Variants in EVC2 observed in about 807,000 individuals in gnomAD.
The protein encoded by EVC2 is EvC ciliary complex subunit 2.
Under a neutral mutation model 149.3 loss-of-function variants are expected in EVC2, and 148 were observed. That is an observed-to-expected ratio of 0.99 (90% CI 0.87 to 1.14). The LOEUF is 1.14. Among genes scored for constraint, EVC2 ranks in the 50% most tolerant of loss-of-function variants. EVC2 has a pLI of 0.00. For synonymous variants in EVC2, 776 were observed against 649.9 expected, an observed-to-expected ratio of 1.19 and a Z score of -2.95; for missense variants, 1,854 against 1,627.3, an observed-to-expected ratio of 1.14 and a Z score of -2.40.
chr4:5,681,452 G>GTCTC, intron 6 of EVC2, 139 bp from the exon 7 acceptor site: 1 of 862,084 alleles, frequency 1.2e-6, no homozygotes, highest in East Asian at 2.6e-5. Flanking sequence ...GCTTGTGAAG[G>GTCTC]TCTCACCATC....
At chr4:5,617,513 T>C (rs1169413258) in intron 15 of EVC2, among the ~76,000 whole-genome samples, 3 of 152,054 alleles carry the variant, frequency 2.0e-5, no homozygotes, top group African/African-American at 4.8e-5. Flanking sequence ...CACCCTTGAG[T>C]GGTGAATGGG....
At chr4:5,621,225 C>G (rs908641546) in intron 14 of EVC2, among the ~76,000 whole-genome samples, 1 of 152,136 alleles carries the variant, frequency 6.6e-6, no homozygotes. Context: ...CAGCAAGATT[C>G]TAGGAGATAA....
intron 1 of EVC2, among the ~76,000 whole-genome samples, chr4:5,699,269 T>C (rs943330175): frequency 3.3e-5 from 5 of 152,216 alleles, no homozygotes; most frequent in African/African-American, 4.8e-5. Flanking sequence ...GCATTCCCCA[T>C]TGATGGAGCC....
intron 1 of EVC2, chr4:5,708,046 C>T (rs1722329366): frequency 4.8e-6 from 2 of 415,438 alleles, no homozygotes; most frequent in South Asian, 1.4e-4. Flanking sequence ...AGGATTCGAA[C>T]CAGGGTCGCT....
intron 19 of EVC2, among the ~76,000 whole-genome samples, chr4:5,572,561 A>G (rs1722700842): frequency 6.6e-6 from 1 of 152,192 alleles, no homozygotes; most frequent in Admixed American, 6.5e-5. Flanking sequence ...TTCTCACCAG[A>G]CACTGCATCT....
chr4:5,531,855 C>G, the EVC2 span, among the ~76,000 whole-genome samples: 1 of 152,072 alleles, frequency 6.6e-6, no homozygotes, highest in East Asian at 1.9e-4. Context: ...TGAAACCACG[C>G]TCCTGCCAGT....
intron 17 of EVC2, among the ~76,000 whole-genome samples, chr4:5,583,930 T>TC (rs1176697364): frequency 6.6e-6 from 1 of 151,250 alleles, no homozygotes; most frequent in Admixed American, 6.6e-5. Context: ...TGATCTCAGC[T>TC]CCCTGCAGCC....
chr4:5,692,068 C>T (rs951608219), intron 3 of EVC2, among the ~76,000 whole-genome samples: 4 of 152,236 alleles, frequency 2.6e-5, no homozygotes, highest in Admixed American at 2.0e-4. Flanking sequence ...GCTGTGATGA[C>T]CACATCTTTC....
chr4:5,644,213 T>G (rs975520985), intron 9 of EVC2, among the ~76,000 whole-genome samples: 1 of 152,212 alleles, frequency 6.6e-6, no homozygotes, highest in African/African-American at 2.4e-5. Flanking sequence ...AACTAACAGA[T>G]CTAAGATCTT....
At chr4:5,535,460 T>C in the EVC2 span, among the ~76,000 whole-genome samples, 2 of 152,242 alleles carry the variant, frequency 1.3e-5, no homozygotes, top group East Asian at 3.9e-4. This position sits in a 1 kb window ranked among gnomAD's most constrained non-coding sequence, Gnocchi z 4.7. Flanking sequence ...GAGGCACATA[T>C]GGTCTCAGTT....
intron 9 of EVC2, among the ~76,000 whole-genome samples, chr4:5,655,327 T>C (rs1281859771): frequency 1.3e-5 from 2 of 152,178 alleles, no homozygotes; most frequent in African/African-American, 4.8e-5. Context: ...TGAACTCTGA[T>C]ACTGATCCTT....
chr4:5,590,880 G>T (rs1186283045), intron 16 of EVC2, among the ~76,000 whole-genome samples: 3 of 152,164 alleles, frequency 2.0e-5, no homozygotes, highest in African/African-American at 4.8e-5. Flanking sequence ...GGCAGAAGGG[G>T]AAGCAAACAC....
rs549364762 is a variant in EVC2, at chr4:5,577,952, C to A, written c.3058-1498G>T. ...CCAGCCCACCTCAAGAAGGGAGGGT[C>A]ACACCTGAGCCTGTCTGTGTCATCA... On this transcript the variant is annotated intron_variant, in intron 17 of 21. Transcript: ENST00000344408. 2.6e-5 allele frequency among the ~76,000 whole-genome samples: 4 copies of A among 152,260 alleles called. No homozygotes were observed. The East Asian group carries it at 7.7e-4, about 29-fold the overall frequency.
In EVC2 at chr4:5,706,345, G is replaced by A. The variant is rs373260948; in HGVS notation, c.228+1941C>T. On this transcript the variant is annotated intron_variant, in intron 1 of 21. Transcript: ENST00000344408. ...ACATAGATAGATAGATAGATACATAGATAGATAGACACATAGATAGATACA... is the reference window on the plus strand; with the variant it reads ...ACATAGATAGATAGATAGATACATAAATAGATAGACACATAGATAGATACA... Among the ~76,000 whole-genome samples, 70 of 93,694 alleles carry A rather than the reference G, an allele frequency of 7.5e-4. 13 individuals carry two copies. Among genetic ancestry groups the A allele is most frequent in the African/African-American group, 3.0e-3 (69 of 22,980 alleles). 61.5% of individuals were successfully genotyped at this position (93,694 alleles called of 152,430 possible). A position where few individuals can be genotyped will look rare whatever the true frequency, so the allele number is the denominator to read the frequency against.
At chr4:5,541,845 T>C (rs915545845), downstream of EVC2, among the ~76,000 whole-genome samples, 3 of 152,192 alleles carry the variant, frequency 2.0e-5, no homozygotes, top group African/African-American at 7.2e-5. Context: ...TAAGACATAG[T>C]GGAGAACAGG....
At chr4:5,685,529 C>T (rs566695691) in intron 5 of EVC2, 50 bp from the exon 6 acceptor site, 40 of 1,516,854 alleles carry the variant, frequency 2.6e-5, no homozygotes, top group African/African-American at 1.6e-4. Flanking sequence ...GCCACGCCCC[C>T]GGCTGCACCC....
At chr4:5,557,810 A>T (rs977427787), downstream of EVC2, among the ~76,000 whole-genome samples, 3 of 152,182 alleles carry the variant, frequency 2.0e-5, no homozygotes, top group Non-Finnish European at 4.4e-5. Context: ...AATACCATTT[A>T]AAATACCACC....
At chr4:5,708,015 G>C (rs1463730274) in intron 1 of EVC2, 2 of 355,702 alleles carry the variant, frequency 5.6e-6, no homozygotes, top group Non-Finnish European at 1.0e-5. Context: ...GCCCTAGGTC[G>C]AAGCTCGTAA....
chr4:5,697,360 T>C (rs1721541943), intron 2 of EVC2, among the ~76,000 whole-genome samples: 1 of 152,224 alleles, frequency 6.6e-6, no homozygotes. Context: ...CTTCAGGGGA[T>C]ATCAAAAAGG....
Sources: allele counts gnomAD v4.1 joint callset (sites outside exome capture counted in the v4.1 genomes callset), GRCh38; gene constraint gnomAD v4.1.1; non-coding constraint Gnocchi (gnomAD v3.1); transcripts MANE v1.5; gene names NCBI Gene and HGNC (gene_info 2026-07-23, HGNC 2026-07-21).